FNIP2: variants seen among roughly 807,000 people sequenced by gnomAD.
The protein encoded by FNIP2 is folliculin interacting protein 2, also known as folliculin-interacting protein 2.
A neutral mutation model predicts 108.7 loss-of-function variants in FNIP2; 32 were observed. The observed-to-expected ratio is 0.29, with a 90% CI of 0.22 to 0.40. FNIP2 has a LOEUF of 0.40. FNIP2 is among the 10% of genes least tolerant of loss of function. The pLI, the probability that FNIP2 is intolerant of heterozygous loss-of-function variation, is 1.00. For missense variants in FNIP2, 1,202 were observed against 1,381.6 expected (o/e 0.87, Z 2.06); for synonymous variants, 480 against 496.7 (o/e 0.97, Z 0.45).
At position 158,868,065 on chromosome 4, in the gene FNIP2, A is replaced by G. The variant is rs1015096735; in HGVS notation, c.1466-37A>G. 1.9e-6 allele frequency: 3 copies of G among 1,603,570 alleles called. No individual in the cohort carries two copies. The highest frequency in any genetic ancestry group is 1.7e-5 in the Admixed American group (1 of 59,514). ...GATATATCTGTGACATGCTAACCCCAGAGACCACTGCCTTTGTGTCCACCT... is the reference window on the plus strand; with the variant it reads ...GATATATCTGTGACATGCTAACCCCGGAGACCACTGCCTTTGTGTCCACCT... On this transcript the variant is annotated intron_variant, in intron 12 of 16. Transcript: ENST00000264433. The surrounding 1 kb of genome is among the most constrained non-coding windows in gnomAD (Gnocchi z 4.6).
chr4:158,861,078 G>A (rs924537266), intron 10 of FNIP2, among the ~76,000 whole-genome samples: 8 of 152,296 alleles, frequency 5.3e-5, no homozygotes, highest in African/African-American at 1.7e-4. Context: ...GAACTTAGCC[G>A]TTGTCCCACA....
intron 1 of FNIP2, among the ~76,000 whole-genome samples, chr4:158,803,874 G>T (rs886985939): frequency 1.1e-4 from 16 of 152,190 alleles, no homozygotes; most frequent in African/African-American, 3.9e-4. Context: ...TGATCAGACT[G>T]TATGCATCTG....
chr4:158,878,413 G>C (rs975356208), intron 14 of FNIP2, among the ~76,000 whole-genome samples: 1 of 152,174 alleles, frequency 6.6e-6, no homozygotes, highest in Admixed American at 6.5e-5. Context: ...AAACAGGTTA[G>C]GGAAAATAAA....
intron 14 of FNIP2, among the ~76,000 whole-genome samples, chr4:158,884,050 G>T (rs1366554115): frequency 6.8e-6 from 1 of 147,416 alleles, no homozygotes; most frequent in Non-Finnish European, 1.5e-5. Context: ...TTAATAAGTA[G>T]TTATGGGAAG....
chr4:158,897,193 A>T (rs1447031954), intron 16 of FNIP2, among the ~76,000 whole-genome samples: 4 of 152,226 alleles, frequency 2.6e-5, no homozygotes, highest in Non-Finnish European at 1.5e-5. Flanking sequence ...ATGGTTGCAT[A>T]GTATTCCATG....
chr4:158,769,894 A>G (rs1205642272), intron 1 of FNIP2, among the ~76,000 whole-genome samples: 1 of 152,230 alleles, frequency 6.6e-6, no homozygotes, highest in Non-Finnish European at 1.5e-5. Flanking sequence ...GTAAGATGCA[A>G]TTATGAAATT....
chr4:158,865,596 C>G (rs866710647), intron 12 of FNIP2, among the ~76,000 whole-genome samples: 1 of 152,114 alleles, frequency 6.6e-6, no homozygotes, highest in Non-Finnish European at 1.5e-5. Flanking sequence ...TGGTCTTTCC[C>G]CTGTAGTTTG....
chr4:158,839,809 C>T (rs773931070), intron 7 of FNIP2, among the ~76,000 whole-genome samples: 2 of 152,154 alleles, frequency 1.3e-5, no homozygotes, highest in Non-Finnish European at 2.9e-5. Flanking sequence ...TCTGGCAAGA[C>T]AAGATGCTCC....
intron 1 of FNIP2, among the ~76,000 whole-genome samples, chr4:158,770,390 C>A (rs896390951): frequency 6.6e-6 from 1 of 152,196 alleles, no homozygotes; most frequent in Non-Finnish European, 1.5e-5. Flanking sequence ...CTTGCAAAAA[C>A]AGTTCACTGT....
intron 11 of FNIP2, 26 bp from the exon 12 acceptor site, chr4:158,861,581 G>C (rs1360472153): frequency 6.2e-7 from 1 of 1,613,876 alleles, no homozygotes. Flanking sequence ...GACTAAGTTG[G>C]TTGTATCTTT....
intron 16 of FNIP2, among the ~76,000 whole-genome samples, chr4:158,902,154 C>T (rs184059982): frequency 1.3e-5 from 2 of 152,142 alleles, no homozygotes; most frequent in Admixed American, 1.3e-4. Flanking sequence ...ACGTTGGTGA[C>T]CTTCGGATGG....
chr4:158,866,591 A>G (rs1780597132), intron 12 of FNIP2, among the ~76,000 whole-genome samples: 1 of 139,230 alleles, frequency 7.2e-6, no homozygotes, highest in Non-Finnish European at 1.6e-5. Context: ...ATCTTTTTTT[A>G]TGAGATGGAG....
At chr4:158,805,753 A>G (rs1042070454) in intron 1 of FNIP2, among the ~76,000 whole-genome samples, 1 of 152,200 alleles carries the variant, frequency 6.6e-6, no homozygotes, top group Admixed American at 6.5e-5. Context: ...CTTGCAGCTG[A>G]AGGCAAGTCA....
intron 14 of FNIP2, among the ~76,000 whole-genome samples, chr4:158,881,842 G>T (rs1422865253): frequency 6.6e-6 from 1 of 152,220 alleles, no homozygotes; most frequent in Admixed American, 6.5e-5. Flanking sequence ...CTCCCAAAGT[G>T]CCGAGATTGC....
At chr4:158,822,665 T>A (rs1478447106) in intron 1 of FNIP2, among the ~76,000 whole-genome samples, 1 of 152,152 alleles carries the variant, frequency 6.6e-6, no homozygotes. Context: ...AACCAGCTAA[T>A]TTTTAAAAAA....
chr4:158,882,523 C>T (rs979062878), intron 14 of FNIP2, among the ~76,000 whole-genome samples: 1 of 152,238 alleles, frequency 6.6e-6, no homozygotes, highest in African/African-American at 2.4e-5. Context: ...TGAGAACGGG[C>T]CATGATGACG....
chr4:158,847,253 A>C (rs547683367), intron 7 of FNIP2, among the ~76,000 whole-genome samples: 1 of 152,276 alleles, frequency 6.6e-6, no homozygotes, highest in Non-Finnish European at 1.5e-5. Context: ...CACACAGCTT[A>C]GTGATACACC....
Position 158,891,478 on chromosome 4 carries a change from T to C in FNIP2, c.2982T>C (p.Ala994=). 1 of 1,606,324 alleles carries C rather than the reference T, an allele frequency of 6.2e-7. No homozygotes were observed. Among genetic ancestry groups the C allele is most frequent in the South Asian group, 1.1e-5 (1 of 89,514 alleles). Residue 994 remains alanine, a synonymous_variant, in exon 15 of 17, where the codon GCT becomes GCC. Transcript: ENST00000264433. ...HPVLDEPIAE[A]VCIIADTDKW... ...TCCTGGATGAGCCAATAGCTGAAGC[T>C]GTCTGTATTATCGCAGACACGGATA...
intron 1 of FNIP2, among the ~76,000 whole-genome samples, chr4:158,808,419 G>A (rs540628217): frequency 6.6e-6 from 1 of 152,040 alleles, no homozygotes; most frequent in South Asian, 2.1e-4. Context: ...TACTTCTCTA[G>A]TGCTGAGAAT....
Sources: allele counts gnomAD v4.1 joint callset (sites outside exome capture counted in the v4.1 genomes callset), GRCh38; gene constraint gnomAD v4.1.1; non-coding constraint Gnocchi (gnomAD v3.1); transcripts MANE v1.5; gene names NCBI Gene and HGNC (gene_info 2026-07-23, HGNC 2026-07-21).